Variants in PCDHA10 observed in about 807,000 individuals in gnomAD.
PCDHA10 encodes protocadherin alpha 10, also known as protocadherin alpha-10.
A neutral mutation model predicts 61.2 loss-of-function variants in PCDHA10; 45 were observed. The ratio of observed to expected loss-of-function variants is 0.74; its 90% CI spans 0.58 to 0.94. The LOEUF (loss-of-function observed/expected upper bound fraction) is 0.94. PCDHA10 is among the 40% of genes least tolerant of loss of function. The pLI is 0.00. For missense variants in PCDHA10, 1,278 were observed against 1,236.2 expected, an observed-to-expected ratio of 1.03 and a Z score of -0.51; for synonymous variants, 602 against 548.8, an observed-to-expected ratio of 1.10 and a Z score of -1.35.
intron 1 of PCDHA10, chr5:140,869,302 G>C (rs985203011): frequency 6.2e-7 from 1 of 1,613,642 alleles, no homozygotes; most frequent in Admixed American, 1.7e-5. Context: ...GTTCCGGGTG[G>C]CGTCCAAAAC....
chr5:140,946,781 G>A (rs1006814243), intron 1 of PCDHA10, among the ~76,000 whole-genome samples: 6 of 151,330 alleles, frequency 4.0e-5, no homozygotes, highest in African/African-American at 1.2e-4. Flanking sequence ...ATGTAAAAAA[G>A]CTGATCTTAT....
At chr5:140,994,631 G>A (rs978359081) in intron 3 of PCDHA10, among the ~76,000 whole-genome samples, 1 of 152,106 alleles carries the variant, frequency 6.6e-6, no homozygotes, top group Non-Finnish European at 1.5e-5. Flanking sequence ...CTTGAACCTG[G>A]AAGGTGGAGG....
intron 1 of PCDHA10, chr5:140,928,862 G>A (rs1554206427): frequency 1.2e-6 from 2 of 1,614,166 alleles, no homozygotes; most frequent in Admixed American, 1.7e-5. Context: ...GTGCTGTTGA[G>A]CAACTCTGTC....
chr5:141,009,356 G>A (rs535761188), intron 3 of PCDHA10, among the ~76,000 whole-genome samples: 1 of 152,204 alleles, frequency 6.6e-6, no homozygotes, highest in Admixed American at 6.5e-5. Flanking sequence ...CTACTTGGGA[G>A]GCTAAGATGG....
At chr5:140,952,471 A>G (rs1324501616) in intron 1 of PCDHA10, among the ~76,000 whole-genome samples, 2 of 152,204 alleles carry the variant, frequency 1.3e-5, no homozygotes, top group African/African-American at 2.4e-5. Context: ...AAGCATAAGG[A>G]AAGTGACATT....
At chr5:140,992,017 CTGTGTGTGTGTGTG>C (rs10602499) in intron 3 of PCDHA10, among the ~76,000 whole-genome samples, 7 of 145,626 alleles carry the variant, frequency 4.8e-5, no homozygotes, top group East Asian at 2.0e-4. Context: ...AGAGGTGGCT[CTGTGTGTGTGTGTG>C]TGTGTGTGTG....
intron 1 of PCDHA10, among the ~76,000 whole-genome samples, chr5:140,950,508 C>T (rs1442075303): frequency 6.6e-6 from 1 of 152,016 alleles, no homozygotes; most frequent in African/African-American, 2.4e-5. Context: ...TCATTATTCC[C>T]TGTGTGCGAT....
At chr5:141,003,761 C>T (rs1371194132) in intron 3 of PCDHA10, among the ~76,000 whole-genome samples, 3 of 152,160 alleles carry the variant, frequency 2.0e-5, no homozygotes, top group Admixed American at 1.3e-4. Flanking sequence ...TAATTATGGT[C>T]GTATTCTGTT....
intron 1 of PCDHA10, chr5:140,869,070 A>G (rs1554162449): frequency 6.4e-7 from 1 of 1,572,828 alleles, no homozygotes; most frequent in Non-Finnish European, 8.6e-7. Flanking sequence ...TGTAAGTGTA[A>G]AGAAGCTTAT....
In PCDHA10 at chr5:140,969,100, C is replaced by T. The variant is rs781998624; in HGVS notation, c.2389-9849C>T. ...ATGGCCTCAAAGTGCAGCCTCACTT[C>T]ATTGAAGTTCGAGGGAATGGCTCCC... On this transcript the variant is annotated intron_variant, in intron 1 of 3. Coordinates refer to ENST00000307360, the MANE Select transcript of PCDHA10 (RefSeq NM_018901.4). The T allele has an allele frequency of 8.7e-6, 14 of 1,614,054 alleles. No individual in the cohort carries two copies. The South Asian group carries it at 8.8e-5, about 10-fold the overall frequency.
At chr5:140,941,409 C>G (rs1284702446) in intron 1 of PCDHA10, among the ~76,000 whole-genome samples, 1 of 149,924 alleles carries the variant, frequency 6.7e-6, no homozygotes, top group Non-Finnish European at 1.5e-5. Flanking sequence ...CTCCGCCTCC[C>G]GGGTTCAAGC....
At position 140,884,500 on chromosome 5, in the gene PCDHA10, G is replaced by T. The variant is rs782378726; in HGVS notation, c.2388+26064G>T. 34 of 1,614,122 alleles carry T rather than the reference G, an allele frequency of 2.1e-5. No homozygotes were observed. The South Asian group carries it at 2.5e-4, about 12-fold the overall frequency. On this transcript the variant is annotated intron_variant, in intron 1 of 3. Coordinates refer to ENST00000307360, the MANE Select transcript of PCDHA10 (RefSeq NM_018901.4). ...AGCCCACTCTAGTGTGCTCCAGCGC[G>T]GCAGGGAGTTGGTCGTACTCGCAGC...
chr5:140,967,498 T>G, intron 1 of PCDHA10: 2 of 1,613,108 alleles, frequency 1.2e-6, no homozygotes, highest in Non-Finnish European at 1.7e-6. Flanking sequence ...CACAGATCTC[T>G]GTGCGTGTCC....
At chr5:140,980,358 G>A (rs143597147) in intron 2 of PCDHA10, among the ~76,000 whole-genome samples, 260 of 152,274 alleles carry the variant, frequency 1.7e-3, no homozygotes, top group South Asian at 0.014. Context: ...TGGACTGGGC[G>A]CGGTGGCTCA....
At chr5:140,926,196 T>C (rs1175807987) in intron 1 of PCDHA10, among the ~76,000 whole-genome samples, 1 of 151,596 alleles carries the variant, frequency 6.6e-6, no homozygotes, top group Non-Finnish European at 1.5e-5. Context: ...CAGCACTTCT[T>C]TCGGGGGGCT....
At position 140,856,759 on chromosome 5, in the gene PCDHA10, C is replaced by A. The variant is rs148775418; in HGVS notation, c.711C>A (p.Asn237Lys). The stretch of plus-strand genomic sequence containing the variant: ...TCCTGGTGTTAGATGCCAATGATAA[C>A]GCCCCTATCTTTGACAGACCGGTTT... Reference protein sequence around the residue: ...LLILVLDANDNAPIFDRPVYE... With the variant: ...LLILVLDANDKAPIFDRPVYE... Residue 237 changes from asparagine (N) to lysine (K), a missense_variant, in exon 1 of 4, where the codon AAC (asparagine) becomes AAA (lysine). Physicochemically the swap from Asn to Lys is moderately conservative, Grantham distance 94. Transcript: ENST00000307360. 2.5e-6 allele frequency: 4 copies of A among 1,596,386 alleles called. 1 individual carries two copies. The highest frequency in any genetic ancestry group is 1.7e-4 in the Middle Eastern group (1 of 5,998).
intron 1 of PCDHA10, chr5:140,967,908 A>T (rs554849478): frequency 6.2e-7 from 1 of 1,614,138 alleles, no homozygotes; most frequent in Non-Finnish European, 8.5e-7. Context: ...GCTACACCCA[A>T]CACCATTGTG....
At chr5:140,875,807 G>A in intron 1 of PCDHA10, 1 of 1,614,206 alleles carries the variant, frequency 6.2e-7, no homozygotes, top group South Asian at 1.1e-5. Flanking sequence ...ATCGTGGACA[G>A]GCCGCTGCAG....
intron 1 of PCDHA10, among the ~76,000 whole-genome samples, chr5:140,957,852 A>ATT (rs5871756): frequency 1.3e-5 from 2 of 151,656 alleles, no homozygotes; most frequent in East Asian, 1.9e-4. Flanking sequence ...GAGTTTGTGT[A>ATT]TTTTTTTTCC....
Sources: gnomAD v4.1 joint callset for allele counts (sites outside exome capture counted in the v4.1 genomes callset) on GRCh38, gnomAD v4.1.1 for gene constraint, MANE v1.5 for transcripts, NCBI Gene and HGNC (gene_info 2026-07-23, HGNC 2026-07-21) for gene names.